Variants in ENPEP observed in about 807,000 individuals in gnomAD.
ENPEP encodes the protein AP-A.
Under a neutral mutation model 114.5 loss-of-function variants are expected in ENPEP, and 103 were observed. The observed-to-expected ratio is 0.90, with a 90% CI of 0.77 to 1.06. ENPEP has a LOEUF of 1.06. Among genes scored for constraint, ENPEP ranks in the 50% least tolerant of loss-of-function variants. The probability of loss-of-function intolerance (pLI) is 0.00; values close to 1 mark genes in which losing one functional copy is unlikely to be tolerated. For synonymous variants in ENPEP, 420 were observed against 422.0 expected (o/e 1.00, Z 0.06); for missense variants, 1,196 against 1,161.3 (o/e 1.03, Z -0.43).
intron 11 of ENPEP, among the ~76,000 whole-genome samples, chr4:110,542,472 G>A (rs1431186530): frequency 2.0e-5 from 3 of 151,856 alleles, no homozygotes; most frequent in Admixed American, 1.3e-4. Flanking sequence ...AAATTATTTC[G>A]CCCATTTGAC....
At position 110,563,145 on chromosome 4, in the gene ENPEP, A is replaced by G. The variant is rs1183013142; in HGVS notation, c.*1587A>G. ...CATCATAACTTACCAGAAAAACCCCACTATCCTCATAAGATTAACTTAAAA... is the reference window on the plus strand; with the variant it reads ...CATCATAACTTACCAGAAAAACCCCGCTATCCTCATAAGATTAACTTAAAA... On this transcript the variant is annotated 3_prime_UTR_variant, in exon 20 of 20. Coordinates refer to ENST00000265162, the MANE Select transcript of ENPEP (RefSeq NM_001977.4). 1.3e-5 allele frequency: 2 copies of G among 152,126 alleles called. No homozygotes were observed. The highest frequency in any genetic ancestry group is 2.4e-5 in the African/African-American group (1 of 41,436). 9.4% of individuals were successfully genotyped at this position (152,126 alleles called of 1,614,324 possible). A position where few individuals can be genotyped will look rare whatever the true frequency, so the allele number is the denominator to read the frequency against.
intron 10 of ENPEP, among the ~76,000 whole-genome samples, chr4:110,524,076 A>G (rs1186440001): frequency 6.6e-6 from 1 of 152,130 alleles, no homozygotes; most frequent in Admixed American, 6.5e-5. Context: ...AAATAATTTT[A>G]TTTTATTAAA....
chr4:110,546,939 T>C (rs892734766), intron 13 of ENPEP, among the ~76,000 whole-genome samples: 17 of 152,158 alleles, frequency 1.1e-4, no homozygotes, highest in African/African-American at 3.6e-4. Context: ...CCCAAGCACA[T>C]GGGGTCAGTT....
At chr4:110,534,658 C>T in intron 11 of ENPEP, among the ~76,000 whole-genome samples, 1 of 151,360 alleles carries the variant, frequency 6.6e-6, no homozygotes, top group Admixed American at 6.6e-5. Context: ...CAGGTGCCTG[C>T]CACCTCAGCT....
At chr4:110,491,233 TAG>T in intron 3 of ENPEP, 69 bp downstream of exon 3, 47 of 1,403,808 alleles carry the variant, frequency 3.3e-5, no homozygotes, top group Non-Finnish European at 3.9e-5. Flanking sequence ...CTTTTTTGGG[TAG>T]TTTTTTTTTT....
rs1050193668 is a variant in ENPEP, at chr4:110,565,088, C to G, written c.*3530C>G. 1 of 152,178 alleles carries G rather than the reference C, an allele frequency of 6.6e-6. No homozygotes were observed. Among genetic ancestry groups the G allele is most frequent in the Non-Finnish European group, 1.5e-5 (1 of 68,024 alleles). 9.4% of individuals were successfully genotyped at this position (152,178 alleles called of 1,614,324 possible). A position where few individuals can be genotyped will look rare whatever the true frequency, so the allele number is the denominator to read the frequency against. ...CTACCATAGTAATTTATTTCTTGTT[C>G]TTTCTCCTCCTCCTTCCTCTACTTC... is the stretch of plus-strand genomic sequence containing the variant. On this transcript the variant is annotated 3_prime_UTR_variant, in exon 20 of 20. Transcript: ENST00000265162.
chr4:110,499,186 G>A (rs1725059995), intron 3 of ENPEP, among the ~76,000 whole-genome samples: 1 of 152,186 alleles, frequency 6.6e-6, no homozygotes, highest in Non-Finnish European at 1.5e-5. Flanking sequence ...GAAAATTACA[G>A]AGGTTAATAA....
At chr4:110,549,472 T>A in intron 15 of ENPEP, 53 bp downstream of exon 15, 1 of 1,612,786 alleles carries the variant, frequency 6.2e-7, no homozygotes, top group Non-Finnish European at 8.5e-7. Context: ...TTTTTTGTTT[T>A]AAGACTTGTT....
Position 110,520,357 on chromosome 4 carries a change from C to A in ENPEP, c.1718C>A (p.Ser573Ter). The change falls in exon 10 of 20, where the codon TCA (serine) becomes TAA (stop). Residue 573 changes from serine (S) to a stop codon, truncating the protein, a stop_gained. Coordinates refer to ENST00000265162, the MANE Select transcript of ENPEP (RefSeq NM_001977.4). LOFTEE classifies it high-confidence loss of function. Reference sequence around the variant, plus strand: ...AGAGCTAACCCTTCTCAGCCCCCTTCAGATCTTGGGTAAGGCTCTATAATG... The same window carrying A: ...AGAGCTAACCCTTCTCAGCCCCCTTAAGATCTTGGGTAAGGCTCTATAATG... ...DPRANPSQPPSDLGYTWNIPV... is the reference protein window; with the variant it reads ...DPRANPSQPP The A allele has an allele frequency of 6.2e-7, 1 of 1,613,952 alleles. No homozygotes were observed. Among genetic ancestry groups the A allele is most frequent in the Non-Finnish European group, 8.5e-7 (1 of 1,179,930 alleles).
At chr4:110,502,025 C>A (rs537710066) in intron 3 of ENPEP, among the ~76,000 whole-genome samples, 1 of 152,256 alleles carries the variant, frequency 6.6e-6, no homozygotes, top group African/African-American at 2.4e-5. Flanking sequence ...TTGCAGTTCT[C>A]TAATGATTAG....
chr4:110,536,868 C>G (rs76258942), intron 11 of ENPEP, among the ~76,000 whole-genome samples: 2,731 of 152,266 alleles, frequency 0.018, 69 homozygotes, highest in African/African-American at 0.062. Flanking sequence ...AGAGATACTG[C>G]AGTTTTGGTG....
chr4:110,484,496 G>C (rs1724428623), intron 1 of ENPEP, among the ~76,000 whole-genome samples: 1 of 151,930 alleles, frequency 6.6e-6, no homozygotes, highest in African/African-American at 2.4e-5. Context: ...CTGGGTCACT[G>C]TGATTGAGTT....
At chr4:110,540,343 T>C (rs930364100) in intron 11 of ENPEP, among the ~76,000 whole-genome samples, 2 of 152,100 alleles carry the variant, frequency 1.3e-5, no homozygotes, top group African/African-American at 2.4e-5. Context: ...TGGTGGGTAA[T>C]TTTTATATTC....
chr4:110,488,008 G>C (rs1724565384), intron 1 of ENPEP, among the ~76,000 whole-genome samples: 1 of 152,170 alleles, frequency 6.6e-6, no homozygotes, highest in Non-Finnish European at 1.5e-5. Flanking sequence ...GAAACTGGGG[G>C]TTTTGTCCCT....
chr4:110,551,059 A>C (rs1414849334), intron 17 of ENPEP, among the ~76,000 whole-genome samples: 1 of 150,972 alleles, frequency 6.6e-6, no homozygotes, highest in Non-Finnish European at 1.5e-5. Flanking sequence ...TTCAAGACCA[A>C]CCTGGGCAAC....
intron 8 of ENPEP, among the ~76,000 whole-genome samples, chr4:110,516,486 C>A (rs75002507): frequency 6.6e-6 from 1 of 152,156 alleles, no homozygotes; most frequent in African/African-American, 2.4e-5. Context: ...CTGCGATAAC[C>A]CAGGTAGTCA....
At position 110,545,610 on chromosome 4, in the gene ENPEP, G is replaced by A. The variant is rs1727025273; in HGVS notation, c.2000+2540G>A. Among the ~76,000 whole-genome samples, 5 of 152,080 alleles carry A rather than the reference G, an allele frequency of 3.3e-5. No homozygotes were observed. The South Asian group carries it at 1.0e-3, about 32-fold the overall frequency. Reference sequence around the variant, plus strand: ...GCAAAGAGAACAGGGTGGGAGAGTAGGTGAGAGGGAGAAAAATCCTGATGT... The same window carrying A: ...GCAAAGAGAACAGGGTGGGAGAGTAAGTGAGAGGGAGAAAAATCCTGATGT... On this transcript the variant is annotated intron_variant, in intron 13 of 19. Coordinates refer to ENST00000265162, the MANE Select transcript of ENPEP (RefSeq NM_001977.4).
rs3796890 is a variant in ENPEP at position 110,509,354 on chromosome 4, G to A, written c.1040-299G>A. Among the ~76,000 whole-genome samples, 323 of 152,240 alleles carry A rather than the reference G, an allele frequency of 2.1e-3. 2 individuals are homozygous for A. The East Asian group carries it at 0.034, about 16-fold the overall frequency. On this transcript the variant is annotated intron_variant, in intron 4 of 19. Transcript: ENST00000265162. The stretch of plus-strand genomic sequence containing the variant: ...CGGCTTATCCCCTAAAACACATGTA[G>A]CTAATAAAAATGAAATACAGAGAGA...
intron 3 of ENPEP, among the ~76,000 whole-genome samples, chr4:110,493,636 A>G (rs533171946): frequency 6.5e-4 from 99 of 152,240 alleles, no homozygotes; most frequent in African/African-American, 2.3e-3. Flanking sequence ...AATTTAAGGC[A>G]TCTAGTGTGA....
Sources: allele counts gnomAD v4.1 joint callset (sites outside exome capture counted in the v4.1 genomes callset), GRCh38; gene constraint gnomAD v4.1.1; transcripts MANE v1.5; gene names NCBI Gene and HGNC (gene_info 2026-07-23, HGNC 2026-07-21).